MUC5B: variants seen among roughly 807,000 people sequenced by gnomAD.
The protein encoded by MUC5B is mucin 5B, oligomeric mucus/gel-forming, also known as mucin-5B.
MUC5B carries 116 observed loss-of-function variants against 376.9 expected under a neutral mutation model. The ratio of observed to expected loss-of-function variants is 0.31; its 90% confidence interval spans 0.26 to 0.36. MUC5B has a LOEUF of 0.36. Ranked by LOEUF, MUC5B falls within the 10% of genes least tolerant of loss-of-function variation. MUC5B has a pLI of 1.00. For synonymous variants in MUC5B, 3,517 were observed against 3,390.9 expected, an observed-to-expected ratio of 1.04 and a Z score of -1.29; for missense variants, 7,165 against 7,769.9, an observed-to-expected ratio of 0.92 and a Z score of 2.93.
Position 1,241,548 on chromosome 11 carries a change from C to T in MUC5B, c.4668C>T (p.Asn1556=). The change falls in exon 31 of 49, where the codon AAC becomes AAT. Residue 1556 remains asparagine, a synonymous_variant. Transcript: ENST00000529681. ...DIECQAESFP[N]WTLAQVGQKV... ...AGTGCCAGGCCGAGAGCTTCCCCAA[C>T]TGGACCCTGGCACAGGTGGGGCAGA... is the stretch of plus-strand genomic sequence containing the variant. 1 of 1,612,680 alleles carries T rather than the reference C, an allele frequency of 6.2e-7. No homozygotes were observed. The highest frequency in any genetic ancestry group is 1.1e-5 in the South Asian group (1 of 90,948).
chr11:1,225,846 C>A, intron 2 of MUC5B, 109 bp downstream of exon 2: 2 of 1,091,646 alleles, frequency 1.8e-6, no homozygotes, highest in Non-Finnish European at 2.7e-6. Flanking sequence ...CTGACAGAGA[C>A]CCTCCCTGGG....
chr11:1,257,629 C>G lies in MUC5B; in HGVS notation c.16369C>G (p.Pro5457Ala), dbSNP rs750155843. 1 of 1,600,614 alleles carries G rather than the reference C, an allele frequency of 6.2e-7. No homozygotes were observed. Among genetic ancestry groups the G allele is most frequent in the South Asian group, 1.1e-5 (1 of 90,632 alleles). ...CCTGCCCTGTGACGCCCAGGGTCAGCCCCCGCCGTGCAACCGTCCCGGCTT... is the reference window on the plus strand; with the variant it reads ...CCTGCCCTGTGACGCCCAGGGTCAGGCCCCGCCGTGCAACCGTCCCGGCTT... ...KPLPCDAQGQPPPCNRPGFVT... is the reference protein window; with the variant it reads ...KPLPCDAQGQAPPCNRPGFVT... The change falls in exon 41 of 49, where the codon CCC (proline) becomes GCC (alanine). Residue 5457 changes from proline (P) to alanine (A), a missense_variant. Physicochemically the swap from Pro to Ala is conservative, Grantham distance 27 (BLOSUM62 -1). Coordinates refer to ENST00000529681, the MANE Select transcript of MUC5B (RefSeq NM_002458.3). The surrounding 1 kb of genome is among the most constrained non-coding windows in gnomAD (Gnocchi z 8.9).
rs1212196128 is a variant in MUC5B at position 1,258,246 on chromosome 11, G to T, written c.16555+43G>T. On this transcript the variant is annotated intron_variant, in intron 42 of 48. Transcript: ENST00000529681. The surrounding 1 kb of genome is among the most constrained non-coding windows in gnomAD (Gnocchi z 5.5). ...CGGGCTCCTGGGTGGCCTCTTGCTGGGGGTGGGGGAGTGCAGGATGGTGGG... is the reference window on the plus strand; with the variant it reads ...CGGGCTCCTGGGTGGCCTCTTGCTGTGGGTGGGGGAGTGCAGGATGGTGGG... 1 of 1,575,292 alleles carries T rather than the reference G, an allele frequency of 6.3e-7. No homozygotes were observed. Among genetic ancestry groups the T allele is most frequent in the East Asian group, 2.3e-5 (1 of 42,994 alleles).
At position 1,258,298 on chromosome 11, in the gene MUC5B, C is replaced by G. The variant is rs987217928; in HGVS notation, c.16556-32C>G. The G allele has an allele frequency of 6.2e-7, 1 of 1,610,180 alleles. No homozygotes were observed. The highest frequency in any genetic ancestry group is 1.7e-5 in the Admixed American group (1 of 59,736). On this transcript the variant is annotated intron_variant, in intron 42 of 48. Coordinates refer to ENST00000529681, the MANE Select transcript of MUC5B (RefSeq NM_002458.3). This position sits in a 1 kb window ranked among gnomAD's most constrained non-coding sequence, Gnocchi z 5.5. ...GCGCTGGAGCACATGCTCCCCACCA[C>G]TTGTCGAGGGCTTAGCTCCCTTTCC...
At chr11:1,231,845 C>T (rs1862035990) in intron 14 of MUC5B, 151 bp from the exon 15 acceptor site, 2 of 1,174,454 alleles carry the variant, frequency 1.7e-6, no homozygotes, top group African/African-American at 3.1e-5. Flanking sequence ...GCGCCCCCCG[C>T]CAGGGCTTAT....
Position 1,246,807 on chromosome 11 carries a change from G to T in MUC5B, c.9927G>T (p.Pro3309=). Residue 3309 remains proline, a synonymous_variant, in exon 31 of 49, where the codon CCG becomes CCT. Transcript: ENST00000529681. ...GAACAGCTCACACTACCAAAGTGCC[G>T]ACTACCACAACCACGGGCTTCACAG... ...TPGTAHTTKV[P]TTTTTGFTAT... The T allele has an allele frequency of 6.3e-7, 1 of 1,598,218 alleles. No individual in the cohort carries two copies. Among genetic ancestry groups the T allele is most frequent in the Non-Finnish European group, 8.5e-7 (1 of 1,172,106 alleles).
chr11:1,248,873 C>G lies in MUC5B; in HGVS notation c.11993C>G (p.Thr3998Ser). ...STVTPSSALG[T>S]THTPPVPNTT... ...GTGACTCCCTCCTCTGCCCTAGGGACCACCCACACACCCCCAGTGCCGAAC... is the reference window on the plus strand; with the variant it reads ...GTGACTCCCTCCTCTGCCCTAGGGAGCACCCACACACCCCCAGTGCCGAAC... Residue 3998 changes from threonine (T) to serine (S), a missense_variant, in exon 31 of 49, where the codon ACC becomes AGC. By Grantham distance (58) the Thr-to-Ser change is moderately conservative. This residue lies in a region of MUC5B where 47 missense variants were observed against 98.5 expected (regional missense o/e 0.48). Transcript: ENST00000529681. 6.5e-7 allele frequency: 1 copy of G among 1,548,440 alleles called. No individual in the cohort carries two copies. Among genetic ancestry groups the G allele is most frequent in the South Asian group, 1.2e-5 (1 of 84,772 alleles).
rs753743741 is a variant in MUC5B at position 1,247,350 on chromosome 11, G to A, written c.10470G>A (p.Val3490=). 2.5e-6 allele frequency: 4 copies of A among 1,610,746 alleles called. No individual in the cohort carries two copies. The highest frequency in any genetic ancestry group is 3.4e-6 in the Non-Finnish European group (4 of 1,179,424). The change falls in exon 31 of 49, where the codon GTG becomes GTA. Residue 3490 remains valine, a synonymous_variant. Transcript: ENST00000529681. ...CCCACATCACAGAGCCTTCCACGGT[G>A]ACTTCCCACACCCCAGCAGCAACCA... ...GTTHITEPST[V]TSHTPAATTS... is the part of the protein sequence containing the mutation.
At position 1,244,654 on chromosome 11, in the gene MUC5B, T is replaced by A. The variant is rs754430566; in HGVS notation, c.7774T>A (p.Ser2592Thr). The part of the protein sequence containing the change: ...TTATTTGATG[S>T]VATPSSTPGT... ...GGCCACCACAACCGGGGCCACCGGC[T>A]CTGTGGCCACCCCCTCCTCCACCCC... Residue 2592 changes from serine (S) to threonine (T), a missense_variant, in exon 31 of 49, where the codon TCT becomes ACT. Ser to Thr is a moderately conservative substitution (Grantham distance 58). Around this residue, in one of 31 missense-constraint regions of MUC5B, gnomAD observed 194 missense variants for 268.5 expected, o/e 0.72. Coordinates refer to ENST00000529681, the MANE Select transcript of MUC5B (RefSeq NM_002458.3). 2 of 1,612,528 alleles carry A rather than the reference T, an allele frequency of 1.2e-6. No individual in the cohort carries two copies. Among genetic ancestry groups the A allele is most frequent in the Non-Finnish European group, 1.7e-6 (2 of 1,179,576 alleles).
At chr11:1,228,187 C>T (rs1004546872) in intron 7 of MUC5B, among the ~76,000 whole-genome samples, 9 of 152,194 alleles carry the variant, frequency 5.9e-5, no homozygotes, top group African/African-American at 2.2e-4. Context: ...AGCTGGGCCC[C>T]GCAGCCGGCA....
chr11:1,250,579 G>A lies in MUC5B; in HGVS notation c.13699G>A (p.Ala4567Thr), dbSNP rs2334756. ...TGTCCACACCTCCACAGTGCTTACC[G>A]CCACGGCCACCACAACCGGGGCCAC... ...ETVHTSTVLT[A>T]TATTTGATGS... The change falls in exon 31 of 49, where the codon GCC (alanine) becomes ACC (threonine). Residue 4567 changes from alanine (A) to threonine (T), a missense_variant. Ala to Thr is a moderately conservative substitution (Grantham distance 58). Coordinates refer to ENST00000529681, the MANE Select transcript of MUC5B (RefSeq NM_002458.3). 2,510 of 1,608,844 alleles carry A rather than the reference G, an allele frequency of 1.6e-3. 24 individuals are homozygous for A. In the African/African-American group the frequency reaches 0.021, roughly 14 times the overall value.
At position 1,261,756 on chromosome 11, in the gene MUC5B, T is replaced by G. The variant is rs1863001298; in HGVS notation, c.*148T>G. 4 of 824,886 alleles carry G rather than the reference T, an allele frequency of 4.8e-6. No homozygotes were observed. The highest frequency in any genetic ancestry group is 8.0e-6 in the Non-Finnish European group (4 of 498,020). The allele number at this position is 824,886 out of a possible 1,614,324, so 51.1% of individuals were successfully genotyped here. ...GTGCTCCTGCTGCCCACCCCGTGGG[T>G]GAAACCGGCCCCAGAAGGGTGAGGG... is the stretch of plus-strand genomic sequence containing the variant. On this transcript the variant is annotated 3_prime_UTR_variant, in exon 49 of 49. Transcript: ENST00000529681.
At chr11:1,227,201 G>T in intron 5 of MUC5B, 56 bp downstream of exon 5, 1 of 1,578,898 alleles carries the variant, frequency 6.3e-7, no homozygotes, top group Non-Finnish European at 8.7e-7. Flanking sequence ...AACCCCCACC[G>T]GGGGTCGAGG....
At chr11:1,252,722 G>A (rs1349735459) in intron 32 of MUC5B, 87 bp from the exon 33 acceptor site, 64 of 1,487,020 alleles carry the variant, frequency 4.3e-5, no homozygotes, top group South Asian at 6.6e-5. Flanking sequence ...GTGGCCACCC[G>A]GGGCTTTGGG....
Position 1,243,808 on chromosome 11 carries a change from G to T in MUC5B, c.6928G>T (p.Val2310Leu). Residue 2310 changes from valine to leucine, a missense_variant, in exon 31 of 49, where the codon GTG becomes TTG. By Grantham distance (32) the Val-to-Leu change is conservative. Coordinates refer to ENST00000529681, the MANE Select transcript of MUC5B (RefSeq NM_002458.3). Reference protein sequence around the residue: ...SPTSAPITTVVTMGCEPQCAW... With the variant: ...SPTSAPITTVLTMGCEPQCAW... ...CACATCGGCCCCCATAACCACGGTG[G>T]TGACCATGGGCTGTGAGCCCCAGTG... 1 of 1,611,636 alleles carries T rather than the reference G, an allele frequency of 6.2e-7. No individual in the cohort carries two copies. Among genetic ancestry groups the T allele is most frequent in the Non-Finnish European group, 8.5e-7 (1 of 1,179,630 alleles).
Position 1,236,942 on chromosome 11 carries a change from G to A in MUC5B, c.3075G>A (p.Leu1025=). 6.7e-7 allele frequency: 1 copy of A among 1,494,356 alleles called. No homozygotes were observed. The allele number at this position is 1,494,356 out of a possible 1,614,324, so 92.6% of individuals were successfully genotyped here. ...CTCTGCAGGGCAGGGTCTGCGGCCT[G>A]TGCGGGAACTTCGACGACAATGCCA... The part of the protein sequence containing the change: ...HQDYKGRVCG[L]CGNFDDNAIN... The change falls in exon 25 of 49, where the codon CTG becomes CTA. Residue 1025 remains leucine, a synonymous_variant. Coordinates refer to ENST00000529681, the MANE Select transcript of MUC5B (RefSeq NM_002458.3).
rs1862617063 is a variant in MUC5B at position 1,249,806 on chromosome 11, C to T, written c.12926C>T (p.Pro4309Leu). ...SSSPRTATTL[P>L]VLTSTATKST... is the part of the protein sequence containing the mutation. ...AGTCCAAGGACTGCAACCACCCTTC[C>T]AGTGCTGACAAGCACAGCCACCAAA... Residue 4309 changes from proline to leucine, a missense_variant, in exon 31 of 49, where the codon CCA becomes CTA. This residue lies in a region of MUC5B where 431 missense variants were observed against 390.4 expected (regional missense o/e 1.10). Transcript: ENST00000529681. 1.2e-6 allele frequency: 2 copies of T among 1,613,574 alleles called. No homozygotes were observed. Among genetic ancestry groups the T allele is most frequent in the African/African-American group, 1.3e-5 (1 of 74,974 alleles).
In MUC5B at chr11:1,253,094, G is replaced by GCA. The variant is rs1445607517; in HGVS notation, c.15217+114_15217+115insCA. The GCA allele has an allele frequency of 5.0e-5, 47 of 941,350 alleles. 1 individual carries two copies. The South Asian group carries it at 6.5e-4, about 13-fold the overall frequency. The allele number at this position is 941,350 out of a possible 1,614,324, so 58.3% of individuals were successfully genotyped here. A position where few individuals can be genotyped will look rare whatever the true frequency, so the allele number is the denominator to read the frequency against. On this transcript the variant is annotated intron_variant, in intron 33 of 48. Coordinates refer to ENST00000529681, the MANE Select transcript of MUC5B (RefSeq NM_002458.3). The surrounding 1 kb of genome is among the most constrained non-coding windows in gnomAD (Gnocchi z 4.3). ...GGCACAGTGGGGTGCAGTGGGGAATGGTGGGGCATGGTGGGGCATGGTGGG... is the reference window on the plus strand; with the variant it reads ...GGCACAGTGGGGTGCAGTGGGGAATGCAGTGGGGCATGGTGGGGCATGGTGGG...
chr11:1,260,220 ACCCCTGCCTGGGAGGCCCCG>A (rs1862960828), intron 46 of MUC5B, 111 bp from the exon 47 acceptor site: 17 of 1,247,488 alleles, frequency 1.4e-5, no homozygotes, highest in East Asian at 2.8e-5. Flanking sequence ...GGGAAGCCCC[ACCCCTGCCTGGGAGGCCCCG>A]CCCCTGCCCG....
Sources: allele counts gnomAD v4.1 joint callset (sites outside exome capture counted in the v4.1 genomes callset), GRCh38; gene constraint gnomAD v4.1.1; regional missense constraint gnomAD v4.1.1; non-coding constraint Gnocchi (gnomAD v3.1); transcripts MANE v1.5; gene names NCBI Gene and HGNC (gene_info 2026-07-23, HGNC 2026-07-21).